Variants in EFCAB14 observed in about 807,000 individuals in gnomAD.
The protein encoded by EFCAB14 is EF-hand calcium binding domain 14, also known as EF-hand calcium-binding domain-containing protein 14.
EFCAB14 carries 43 observed loss-of-function variants against 56.5 expected under a neutral mutation model. The observed-to-expected ratio is 0.76, with a 90% confidence interval of 0.60 to 0.98. EFCAB14 has a LOEUF of 0.98. Ranked by LOEUF, EFCAB14 falls within the 50% of genes least tolerant of loss-of-function variation. The pLI, the probability that EFCAB14 is intolerant of heterozygous loss-of-function variation, is 0.00. For synonymous variants in EFCAB14, 235 were observed against 212.9 expected (o/e 1.10, Z -0.90); for missense variants, 538 against 580.3 (o/e 0.93, Z 0.75).
chr1:46,694,289 G>A (rs948755007), intron 4 of EFCAB14, among the ~76,000 whole-genome samples: 4 of 152,106 alleles, frequency 2.6e-5, no homozygotes, highest in African/African-American at 7.2e-5. Context: ...GAGTGAACAG[G>A]CAACCTACAG....
rs768186418 is a variant in EFCAB14 at position 46,686,853 on chromosome 1, G to A, written c.1005C>T (p.Ala335=). ...LSFSMMGDRS[A]TLKRQSLDQV... ...GATCCAAAGACTGTCTTTTCAGAGT[G>A]GCAGATCTATCACCCATCTTAAAGG... is the stretch of plus-strand genomic sequence containing the variant. Residue 335 remains alanine (A), a synonymous_variant, in exon 8 of 11, where the codon GCC becomes GCT. Transcript: ENST00000371933. The A allele has an allele frequency of 1.2e-5, 20 of 1,613,492 alleles. No homozygotes were observed. In the South Asian group the frequency reaches 1.4e-4, roughly 12 times the overall value.
At chr1:46,681,131 G>T (rs1676787505) in intron 10 of EFCAB14, among the ~76,000 whole-genome samples, 1 of 151,998 alleles carries the variant, frequency 6.6e-6, no homozygotes, top group Non-Finnish European at 1.5e-5. Flanking sequence ...GCTAATTTTT[G>T]TATTTTTTGT....
At position 46,687,169 on chromosome 1, in the gene EFCAB14, T is replaced by C. The variant is rs537439516; in HGVS notation, c.988-299A>G. On this transcript the variant is annotated intron_variant, in intron 7 of 10. Transcript: ENST00000371933. The stretch of plus-strand genomic sequence containing the variant: ...AGCACGATACTGCTCTAAGAAACAG[T>C]AGGACAGATGGATACTATTACCTAT... Among the ~76,000 whole-genome samples the C allele has an allele frequency of 6.6e-5, 10 of 152,198 alleles. No homozygotes were observed. The South Asian group carries it at 1.9e-3, about 28-fold the overall frequency.
intron 5 of EFCAB14, among the ~76,000 whole-genome samples, chr1:46,690,990 A>G (rs1401492261): frequency 6.6e-6 from 1 of 152,100 alleles, no homozygotes; most frequent in African/African-American, 2.4e-5. Flanking sequence ...GATGAGTTAC[A>G]TATAACTCAT....
intron 1 of EFCAB14, among the ~76,000 whole-genome samples, chr1:46,716,855 T>C (rs1020662564): frequency 6.6e-6 from 1 of 152,238 alleles, no homozygotes; most frequent in African/African-American, 2.4e-5. Context: ...CTTGCTCCAG[T>C]TTACTGAAAC....
chr1:46,716,422 G>A lies in EFCAB14; in HGVS notation c.207C>T (p.Cys69=), dbSNP rs1677394585. The part of the protein sequence containing the change: ...RFAKGDYLRC[C]KICYPLCGFV... ...AACCACAGAGCGGATAACAGATCTTGCAGCATCGTAAATAGTCTCCCCTGC... is the reference window on the plus strand; with the variant it reads ...AACCACAGAGCGGATAACAGATCTTACAGCATCGTAAATAGTCTCCCCTGC... The change falls in exon 2 of 11, where the codon TGC becomes TGT. Residue 69 remains cysteine (C), a synonymous_variant. Transcript: ENST00000371933. 1 of 1,614,110 alleles carries A rather than the reference G, an allele frequency of 6.2e-7. No homozygotes were observed.
At chr1:46,710,048 C>G (rs1440445148) in intron 2 of EFCAB14, among the ~76,000 whole-genome samples, 1 of 152,026 alleles carries the variant, frequency 6.6e-6, no homozygotes, top group Non-Finnish European at 1.5e-5. Flanking sequence ...TTAACAAGAT[C>G]CCCCACAAAA....
intron 6 of EFCAB14, among the ~76,000 whole-genome samples, 154 bp downstream of exon 6, chr1:46,689,433 G>A (rs759338973): frequency 1.3e-5 from 2 of 152,150 alleles, no homozygotes; most frequent in African/African-American, 2.4e-5. Flanking sequence ...ATGGATCCCC[G>A]AGATACCAAC....
chr1:46,684,675 G>A, intron 8 of EFCAB14, 73 bp from the exon 9 acceptor site: 1 of 1,266,894 alleles, frequency 7.9e-7, no homozygotes, highest in Non-Finnish European at 1.1e-6. Flanking sequence ...TGTATTCCCA[G>A]AGCCTGTTTA....
intron 10 of EFCAB14, among the ~76,000 whole-genome samples, chr1:46,679,939 T>C (rs1223735430): frequency 1.3e-5 from 2 of 152,160 alleles, no homozygotes; most frequent in Non-Finnish European, 2.9e-5. Context: ...CTTTCTACTA[T>C]GTGACACTTG....
Position 46,678,188 on chromosome 1 carries a change from GAA to G in EFCAB14, c.*271_*272del. ...CTCCTCCCCTCAAAAAAAGGAAAGA[GAA>G]AAAAAGAGGGCTTTAATTTTTTTTC... On this transcript the variant is annotated 3_prime_UTR_variant, in exon 11 of 11. Coordinates refer to ENST00000371933, the MANE Select transcript of EFCAB14 (RefSeq NM_014774.3). 3.5e-6 allele frequency: 1 copy of G among 282,810 alleles called. No homozygotes were observed. The highest frequency in any genetic ancestry group is 6.5e-6 in the Non-Finnish European group (1 of 153,962). The allele number at this position is 282,810 out of a possible 1,614,324, so 17.5% of individuals were successfully genotyped here. A position where few individuals can be genotyped will look rare whatever the true frequency, so the allele number is the denominator to read the frequency against.
At chr1:46,716,528 A>G in intron 1 of EFCAB14, 85 bp from the exon 2 acceptor site, 1 of 1,485,498 alleles carries the variant, frequency 6.7e-7, no homozygotes. Context: ...TTTGCCATGC[A>G]ATTATCTCCT....
Position 46,718,277 on chromosome 1 carries a change from CTG to C in EFCAB14, c.-192_-191del. The C allele has an allele frequency of 1.8e-6, 1 of 557,128 alleles. No homozygotes were observed. The highest frequency in any genetic ancestry group is 3.1e-5 in the Admixed American group (1 of 32,560). 34.5% of individuals were successfully genotyped at this position (557,128 alleles called of 1,614,324 possible). A position where few individuals can be genotyped will look rare whatever the true frequency, so the allele number is the denominator to read the frequency against. ...ACTGGAGATTGGAGCCCAGAGGAAA[CTG>C]GAACTCAGATGGGTGGGGGAAATCA... On this transcript the variant is annotated 5_prime_UTR_variant, in exon 1 of 11. Transcript: ENST00000371933.
chr1:46,701,313 C>T (rs1052618062), intron 3 of EFCAB14, among the ~76,000 whole-genome samples: 3 of 152,084 alleles, frequency 2.0e-5, no homozygotes, highest in Non-Finnish European at 4.4e-5. Flanking sequence ...GGTATGTTTT[C>T]CTTAGTGCCC....
rs1677212622 is a variant in EFCAB14, at chr1:46,704,891, A to G, written c.480+3015T>C. 3.6e-5 allele frequency among the ~76,000 whole-genome samples: 3 copies of G among 83,426 alleles called. No homozygotes were observed. The South Asian group carries it at 1.1e-3, about 31-fold the overall frequency. 54.7% of individuals were successfully genotyped at this position (83,426 alleles called of 152,430 possible). On this transcript the variant is annotated intron_variant, in intron 3 of 10. Transcript: ENST00000371933. ...TTGATTTTAACTTTTTTTTTTTTCA[A>G]ACTAATGGCTTTTTTTTCAGATTAT...
intron 3 of EFCAB14, among the ~76,000 whole-genome samples, chr1:46,699,001 A>G (rs1278000360): frequency 6.6e-6 from 1 of 152,100 alleles, no homozygotes; most frequent in African/African-American, 2.4e-5. Context: ...GTAGTAGCAG[A>G]AGTAGAGATG....
At chr1:46,692,530 A>G (rs1677009316) in intron 4 of EFCAB14, among the ~76,000 whole-genome samples, 1 of 152,160 alleles carries the variant, frequency 6.6e-6, no homozygotes, top group Non-Finnish European at 1.5e-5. Flanking sequence ...TTCACTTGTT[A>G]AAAAACTGCC....
In EFCAB14 at chr1:46,697,680, A is replaced by G. The variant is rs1035784530; in HGVS notation, c.481-1031T>C. On this transcript the variant is annotated intron_variant, in intron 3 of 10. Transcript: ENST00000371933. ...CTCATTCCTTTAGCAAATGTTTGGCATCTCTGTGCCAGACACTGCTGCAGT... is the reference window on the plus strand; with the variant it reads ...CTCATTCCTTTAGCAAATGTTTGGCGTCTCTGTGCCAGACACTGCTGCAGT... Among the ~76,000 whole-genome samples, 7 of 152,168 alleles carry G rather than the reference A, an allele frequency of 4.6e-5. No individual in the cohort carries two copies. The East Asian group carries it at 1.2e-3, about 25-fold the overall frequency.
Position 46,691,931 on chromosome 1 carries a change from C to T in EFCAB14, c.586G>A (p.Ala196Thr), listed in dbSNP as rs1266206583. The T allele has an allele frequency of 6.2e-7, 1 of 1,612,638 alleles. No individual in the cohort carries two copies. Among genetic ancestry groups the T allele is most frequent in the East Asian group, 2.2e-5 (1 of 44,852 alleles). Residue 196 changes from alanine (A) to threonine (T), a missense_variant, in exon 5 of 11, where the codon GCT (alanine) becomes ACT (threonine). Transcript: ENST00000371933. ...TTVEGLQKSV[A>T]SIGNTLNSVH... ...CTGTTTAAAGTATTGCCAATGGAAGCTACACTCTGAATGGAAACATATAGG... is the reference window on the plus strand; with the variant it reads ...CTGTTTAAAGTATTGCCAATGGAAGTTACACTCTGAATGGAAACATATAGG...
Sources: gnomAD v4.1 joint callset for allele counts (sites outside exome capture counted in the v4.1 genomes callset) on GRCh38, gnomAD v4.1.1 for gene constraint, MANE v1.5 for transcripts, NCBI Gene and HGNC (gene_info 2026-07-23, HGNC 2026-07-21) for gene names.